SCAPER: variants seen among roughly 807,000 people sequenced by gnomAD.
SCAPER encodes S phase cyclin A-associated protein in the endoplasmic reticulum.
A neutral mutation model predicts 182.2 loss-of-function variants in SCAPER; 98 were observed. The ratio of observed to expected loss-of-function variants is 0.54; its 90% CI spans 0.46 to 0.64. The LOEUF (loss-of-function observed/expected upper bound fraction) is 0.64, where lower values mean the gene tolerates loss of function less well. SCAPER is among the 30% of genes least tolerant of loss of function. SCAPER has a pLI of 0.00. For missense variants in SCAPER, 1,432 were observed against 1,690.0 expected (o/e 0.85, Z 2.68); for synonymous variants, 605 against 564.6 (o/e 1.07, Z -1.01).
intron 17 of SCAPER, among the ~76,000 whole-genome samples, chr15:76,726,467 C>A (rs1456105996): frequency 2.6e-5 from 4 of 151,220 alleles, no homozygotes; most frequent in African/African-American, 9.7e-5. Flanking sequence ...CAAAAAAAAA[C>A]CAATAAAATT....
chr15:76,893,402 C>T (rs192309559), intron 1 of SCAPER, among the ~76,000 whole-genome samples: 1 of 152,018 alleles, frequency 6.6e-6, no homozygotes, highest in East Asian at 1.9e-4. Flanking sequence ...ATGTACGCAC[C>T]CAACATTGGA....
At chr15:76,878,792 G>A (rs755774278) in intron 2 of SCAPER, among the ~76,000 whole-genome samples, 3 of 151,828 alleles carry the variant, frequency 2.0e-5, no homozygotes, top group Non-Finnish European at 4.4e-5. Context: ...AAGAGGAAGA[G>A]GAAGAAGAAG....
At chr15:76,726,428 G>C (rs1367275061) in intron 17 of SCAPER, among the ~76,000 whole-genome samples, 1 of 151,460 alleles carries the variant, frequency 6.6e-6, no homozygotes, top group Non-Finnish European at 1.5e-5. Context: ...AAATGGTACA[G>C]CTGCTATGAA....
intron 23 of SCAPER, among the ~76,000 whole-genome samples, chr15:76,524,029 C>T (rs1337253728): frequency 6.6e-6 from 1 of 152,108 alleles, no homozygotes; most frequent in Non-Finnish European, 1.5e-5. Context: ...AACATCAACA[C>T]AATCAGCTTA....
intron 20 of SCAPER, among the ~76,000 whole-genome samples, chr15:76,681,921 G>A (rs899767433): frequency 3.9e-5 from 6 of 152,162 alleles, no homozygotes; most frequent in Non-Finnish European, 8.8e-5. Context: ...TTTAGCCTTA[G>A]AGTGATTGTC....
chr15:76,776,461 C>T (rs2063749548), intron 8 of SCAPER, among the ~76,000 whole-genome samples: 1 of 152,116 alleles, frequency 6.6e-6, no homozygotes, highest in Admixed American at 6.5e-5. Flanking sequence ...AACAAAGTCT[C>T]CTCTCACTAG....
chr15:76,777,116 T>C (rs796176642), intron 8 of SCAPER, among the ~76,000 whole-genome samples: 9 of 152,074 alleles, frequency 5.9e-5, no homozygotes, highest in African/African-American at 1.9e-4. Context: ...CAAAAAAATA[T>C]TGAAAGCAGT....
intron 17 of SCAPER, among the ~76,000 whole-genome samples, chr15:76,708,041 T>G (rs1341158870): frequency 6.6e-6 from 1 of 152,054 alleles, no homozygotes; most frequent in Non-Finnish European, 1.5e-5. Flanking sequence ...TCGCTCAGTA[T>G]CCAAGGGGGA....
chr15:76,698,141 T>C (rs1024398203), intron 20 of SCAPER, among the ~76,000 whole-genome samples: 2 of 152,010 alleles, frequency 1.3e-5, no homozygotes, highest in African/African-American at 2.4e-5. Flanking sequence ...AAACTACTCA[T>C]ACGATTTGAG....
intron 8 of SCAPER, among the ~76,000 whole-genome samples, chr15:76,785,047 A>C (rs753085729): frequency 6.6e-5 from 10 of 152,234 alleles, no homozygotes; most frequent in Non-Finnish European, 1.5e-4. Context: ...ACTTAAACTA[A>C]AGAGCTTCTG....
chr15:76,682,140 G>C (rs1382437803), intron 20 of SCAPER, among the ~76,000 whole-genome samples: 1 of 152,096 alleles, frequency 6.6e-6, no homozygotes, highest in African/African-American at 2.4e-5. Context: ...CGTTAGACTG[G>C]GCCCTGTGGA....
At chr15:76,874,466 C>T (rs1054804941) in intron 2 of SCAPER, among the ~76,000 whole-genome samples, 8 of 151,244 alleles carry the variant, frequency 5.3e-5, no homozygotes, top group Admixed American at 1.3e-4. Context: ...ACAAGACCAA[C>T]ATGTGATACA....
At chr15:76,720,157 C>CA (rs2060130639) in intron 17 of SCAPER, among the ~76,000 whole-genome samples, 1 of 149,996 alleles carries the variant, frequency 6.7e-6, no homozygotes, top group Admixed American at 6.7e-5. Flanking sequence ...TCAATTCCCA[C>CA]CTATGAGTGA....
chr15:76,407,108 T>C (rs1338014349), intron 26 of SCAPER, among the ~76,000 whole-genome samples: 1 of 152,198 alleles, frequency 6.6e-6, no homozygotes, highest in African/African-American at 2.4e-5. Context: ...TAATGGCATA[T>C]GGGGACGCAT....
In SCAPER at chr15:76,373,205, G is replaced by A. The variant is rs147579579; in HGVS notation, c.3855+2957C>T. On this transcript the variant is annotated intron_variant, in intron 29 of 31. Transcript: ENST00000563290. ...TGGGATTTCAGGCGCCTGCCATCAC[G>A]CCCAGCTAATTTCTGTATTTTTAGT... Among the ~76,000 whole-genome samples the A allele has an allele frequency of 3.9e-3, 595 of 151,910 alleles. 4 individuals carry two copies. The highest frequency in any genetic ancestry group is 0.013 in the African/African-American group (545 of 41,416).
At chr15:76,511,829 T>TTA (rs144159437) in intron 23 of SCAPER, among the ~76,000 whole-genome samples, 25 of 136,876 alleles carry the variant, frequency 1.8e-4, no homozygotes, top group African/African-American at 4.4e-4. Context: ...GATACACTTA[T>TTA]TATATATATA....
rs200400170 is a variant in SCAPER, at chr15:76,392,231, T to TA, written c.3468-10617dup. 1.3e-3 allele frequency among the ~76,000 whole-genome samples: 193 copies of TA among 152,264 alleles called. 5 individuals are homozygous for TA. In the East Asian group the frequency reaches 0.033, roughly 26 times the overall value. ...TGCCTATCTCCTTTTAATTTTTAAT[T>TA]AAAAAAATAACATATATATACTTCT... is the stretch of plus-strand genomic sequence containing the variant. On this transcript the variant is annotated intron_variant, in intron 27 of 31. Coordinates refer to ENST00000563290, the MANE Select transcript of SCAPER (RefSeq NM_020843.4).
chr15:76,680,411 G>GATGATGATAATA lies in SCAPER; in HGVS notation c.2509-14623_2509-14622insTATTATCATCAT, dbSNP rs1032738002. On this transcript the variant is annotated intron_variant, in intron 20 of 31. Transcript: ENST00000563290. Reference sequence around the variant, plus strand: ...TAGGTCATTTCATGATGATGATGATGATAATAATAATAATAATAATAATAA... The same window carrying GATGATGATAATA: ...TAGGTCATTTCATGATGATGATGATGATGATGATAATAATAATAATAATAATAATAATAATAA... 1.3e-3 allele frequency among the ~76,000 whole-genome samples: 182 copies of GATGATGATAATA among 142,574 alleles called. 1 individual carries two copies. The highest frequency in any genetic ancestry group is 4.3e-3 in the African/African-American group (163 of 38,206). The allele number at this position is 142,574 out of a possible 152,430, so 93.5% of individuals were successfully genotyped here. A position where few individuals can be genotyped will look rare whatever the true frequency, so the allele number is the denominator to read the frequency against.
At chr15:76,488,322 T>A (rs1171130393) in intron 24 of SCAPER, among the ~76,000 whole-genome samples, 2 of 152,312 alleles carry the variant, frequency 1.3e-5, no homozygotes, top group East Asian at 3.9e-4. Flanking sequence ...CCTACAATTA[T>A]ATAGAATATC....
Sources: gnomAD v4.1 joint callset for allele counts (sites outside exome capture counted in the v4.1 genomes callset) on GRCh38, gnomAD v4.1.1 for gene constraint, MANE v1.5 for transcripts, NCBI Gene and HGNC (gene_info 2026-07-23, HGNC 2026-07-21) for gene names.